Variants in RPL11 observed in about 807,000 individuals in gnomAD.
The protein encoded by RPL11 is large ribosomal subunit protein uL5.
Under a neutral mutation model 24.1 loss-of-function variants are expected in RPL11, and 3 were observed. That is an observed-to-expected ratio of 0.12 (90% CI 0.06 to 0.32). RPL11 has a LOEUF of 0.32. Among genes scored for constraint, RPL11 ranks in the 10% least tolerant of loss-of-function variants. The pLI is 1.00. For missense variants in RPL11, 146 were observed against 225.7 expected (o/e 0.65, Z 2.26); for synonymous variants, 96 against 75.7 (o/e 1.27, Z -1.39).
intron 1 of RPL11, 26 bp downstream of exon 1, chr1:23,691,855 T>C (rs917608558): frequency 2.5e-6 from 4 of 1,614,242 alleles, no homozygotes; most frequent in Non-Finnish European, 2.5e-6. Context: ...CTGGATTTGC[T>C]TTCCTTTATC....
Position 23,692,463 on chromosome 1 carries a change from T to C in RPL11, c.7-146T>C, listed in dbSNP as rs78796509. The C allele has an allele frequency of 0.018, 17,226 of 975,720 alleles. 354 individuals are homozygous for C. Among genetic ancestry groups the C allele is most frequent in the African/African-American group, 0.085 (5,320 of 62,290 alleles). The allele number at this position is 975,720 out of a possible 1,614,324, so 60.4% of individuals were successfully genotyped here. ...TCCGAGCTGTCTTCTTCCCTTGATG[T>C]CCCCTAAACATTATACCTTTTAAAC... On this transcript the variant is annotated intron_variant, in intron 1 of 5. Coordinates refer to ENST00000643754, the MANE Select transcript of RPL11 (RefSeq NM_000975.5).
Position 23,693,804 on chromosome 1 carries a change from C to A in RPL11, c.158-3C>A, listed in dbSNP as rs879210489. On this transcript the variant is annotated splice_region_variant and splice_polypyrimidine_tract_variant and intron_variant, in intron 2 of 5. Coordinates refer to ENST00000643754, the MANE Select transcript of RPL11 (RefSeq NM_000975.5). ...CTGACTCCTTGTTACCCACTTCCTG[C>A]AGCTAGATACACTGTCAGATCCTTT... 2 of 1,612,422 alleles carry A rather than the reference C, an allele frequency of 1.2e-6. No individual in the cohort carries two copies. Among genetic ancestry groups the A allele is most frequent in the Non-Finnish European group, 1.7e-6 (2 of 1,178,580 alleles).
At chr1:23,693,708 C>T in intron 2 of RPL11, 99 bp from the exon 3 acceptor site, 2 of 803,574 alleles carry the variant, frequency 2.5e-6, no homozygotes, top group Non-Finnish European at 4.4e-6. Context: ...TGGATGAATG[C>T]TTAATGTCTC....
chr1:23,691,904 T>C (rs1490435639), intron 1 of RPL11, 75 bp downstream of exon 1: 1 of 1,592,814 alleles, frequency 6.3e-7, no homozygotes, highest in African/African-American at 1.3e-5. Flanking sequence ...CGGGGGCTAC[T>C]TCGCCCGCAG....
intron 5 of RPL11, 25 bp downstream of exon 5, chr1:23,695,933 AGTG>A: frequency 6.4e-7 from 1 of 1,554,352 alleles, no homozygotes; most frequent in Non-Finnish European, 8.7e-7. Flanking sequence ...TCTCAAGTGA[AGTG>A]GTGGAATGTG....
At position 23,696,565 on chromosome 1, in the gene RPL11, T is replaced by A; in HGVS notation, c.*192T>A. 1.5e-6 allele frequency: 1 copy of A among 655,560 alleles called. No individual in the cohort carries two copies. Among genetic ancestry groups the A allele is most frequent in the African/African-American group, 1.8e-5 (1 of 55,836 alleles). The allele number at this position is 655,560 out of a possible 1,614,324, so 40.6% of individuals were successfully genotyped here. On this transcript the variant is annotated 3_prime_UTR_variant, in exon 6 of 6. Transcript: ENST00000643754. ...GCCAGTATTTCCTGGCAGATCCAAG[T>A]CCAAGCTTCATAGCATTCATTGCCT...
At chr1:23,692,114 G>A (rs1231951446) in intron 1 of RPL11, 1 of 566,972 alleles carries the variant, frequency 1.8e-6, no homozygotes, top group Non-Finnish European at 3.1e-6. Flanking sequence ...CTGAGGCAGG[G>A]GGGTCCGGGC....
In RPL11 at chr1:23,694,698, T is replaced by C. The variant is rs746549825; in HGVS notation, c.303T>C (p.Asp101=). ...AGTTAAGAAAAAACAACTTCTCAGA[T>C]ACTGGAAACTTTGGTTTTGGGATCC... The part of the protein sequence containing the change: ...EYELRKNNFS[D]TGNFGFGIQE... Residue 101 remains aspartate (D), a synonymous_variant, in exon 4 of 6, where the codon GAT becomes GAC. Transcript: ENST00000643754. The C allele has an allele frequency of 6.2e-7, 1 of 1,614,120 alleles. No homozygotes were observed. Among genetic ancestry groups the C allele is most frequent in the Non-Finnish European group, 8.5e-7 (1 of 1,179,984 alleles).
intron 4 of RPL11, chr1:23,695,455 G>A (rs1644527678): frequency 2.9e-6 from 1 of 349,238 alleles, no homozygotes; most frequent in Non-Finnish European, 5.5e-6. Flanking sequence ...TCTCAGAGTT[G>A]TATGTTTTCT....
chr1:23,695,494 A>G, intron 4 of RPL11: 1 of 411,460 alleles, frequency 2.4e-6, no homozygotes, highest in Non-Finnish European at 4.6e-6. Flanking sequence ...TAGATTTTTA[A>G]ATGTTACTTT....
chr1:23,696,587 G>C lies in RPL11; in HGVS notation c.*214G>C. 3 of 616,356 alleles carry C rather than the reference G, an allele frequency of 4.9e-6. No homozygotes were observed. Among genetic ancestry groups the C allele is most frequent in the Admixed American group, 2.6e-5 (1 of 38,702 alleles). 38.2% of individuals were successfully genotyped at this position (616,356 alleles called of 1,614,324 possible). ...AAGTCCAAGCTTCATAGCATTCATTGCCTGTGCTTGCCACACCTTGGTTGA... is the reference window on the plus strand; with the variant it reads ...AAGTCCAAGCTTCATAGCATTCATTCCCTGTGCTTGCCACACCTTGGTTGA... On this transcript the variant is annotated 3_prime_UTR_variant, in exon 6 of 6. Transcript: ENST00000643754.
At position 23,691,974 on chromosome 1, in the gene RPL11, C is replaced by T. The variant is rs1644502509; in HGVS notation, c.6+145C>T. 6.3e-6 allele frequency: 7 copies of T among 1,104,462 alleles called. No individual in the cohort carries two copies. In the South Asian group the frequency reaches 7.4e-5, roughly 12 times the overall value. The allele number at this position is 1,104,462 out of a possible 1,614,324, so 68.4% of individuals were successfully genotyped here. On this transcript the variant is annotated intron_variant, in intron 1 of 5. Coordinates refer to ENST00000643754, the MANE Select transcript of RPL11 (RefSeq NM_000975.5). ...CCAAAACTAGCAGAGCCGTTCGAGC[C>T]AAGGACGCAGGGTTGAATTCTGTCA...
intron 4 of RPL11, 132 bp from the exon 5 acceptor site, chr1:23,695,666 A>G (rs1236699361): frequency 4.8e-6 from 4 of 830,534 alleles, no homozygotes; most frequent in Non-Finnish European, 8.0e-6. Context: ...TCAGACACAG[A>G]TCATGGGTCT....
intron 2 of RPL11, 147 bp downstream of exon 2, chr1:23,692,906 T>C: frequency 1.0e-6 from 1 of 955,884 alleles, no homozygotes; most frequent in Non-Finnish European, 1.5e-6. Context: ...GTGTCTTTTT[T>C]TTTTTTTTTT....
chr1:23,693,017 A>G (rs1644511219), intron 2 of RPL11, among the ~76,000 whole-genome samples: 1 of 152,006 alleles, frequency 6.6e-6, no homozygotes, highest in Non-Finnish European at 1.5e-5. Context: ...CTAGGATATG[A>G]GATAGAGTGG....
Position 23,694,813 on chromosome 1 carries a change from C to T in RPL11, c.396+22C>T, listed in dbSNP as rs369675968. Reference sequence around the variant, plus strand: ...TGTGGTATGAATATTTAATCTTTTCCCGCTCCTGGTCTGTGAGGAGAGGGG... The same window carrying T: ...TGTGGTATGAATATTTAATCTTTTCTCGCTCCTGGTCTGTGAGGAGAGGGG... On this transcript the variant is annotated intron_variant, in intron 4 of 5. Transcript: ENST00000643754. 4.3e-6 allele frequency: 7 copies of T among 1,614,072 alleles called. No homozygotes were observed. The African/African-American group carries it at 8.0e-5, about 18-fold the overall frequency.
Position 23,692,648 on chromosome 1 carries a change from C to A in RPL11, c.46C>A (p.Arg16Ser). ...AAAGGAGAACCCCATGCGGGAACTTCGCATCCGCAAACTCTGTCTCAACAT... is the reference window on the plus strand; with the variant it reads ...AAAGGAGAACCCCATGCGGGAACTTAGCATCCGCAAACTCTGTCTCAACAT... Reference protein sequence around the residue: ...GEKENPMRELRIRKLCLNICV... With the variant: ...GEKENPMRELSIRKLCLNICV... The change falls in exon 2 of 6, where the codon CGC becomes AGC. Residue 16 changes from arginine (R) to serine (S), a missense_variant. Coordinates refer to ENST00000643754, the MANE Select transcript of RPL11 (RefSeq NM_000975.5). 1 of 1,614,158 alleles carries A rather than the reference C, an allele frequency of 6.2e-7. No homozygotes were observed. Among genetic ancestry groups the A allele is most frequent in the Non-Finnish European group, 8.5e-7 (1 of 1,180,026 alleles).
chr1:23,696,194 ACCAG>A (rs1644531961), intron 5 of RPL11, 146 bp from the exon 6 acceptor site: 1 of 829,032 alleles, frequency 1.2e-6, no homozygotes, highest in South Asian at 1.4e-5. Context: ...CAGTGTAAAA[ACCAG>A]CCAGCTTCCT....
intron 4 of RPL11, 180 bp from the exon 5 acceptor site, chr1:23,695,618 A>G (rs190085468): frequency 0.01 from 6,875 of 662,644 alleles, 70 homozygotes; most frequent in Middle Eastern, 0.025. Flanking sequence ...AACTTACAGT[A>G]TGGCTGTGTG....
Sources: gnomAD v4.1 joint callset for allele counts (sites outside exome capture counted in the v4.1 genomes callset) on GRCh38, gnomAD v4.1.1 for gene constraint, MANE v1.5 for transcripts, NCBI Gene and HGNC (gene_info 2026-07-23, HGNC 2026-07-21) for gene names.